The following MTF1 variants were observed in gnomAD, a reference collection of about 807,000 sequenced individuals.
MTF1 encodes metal regulatory transcription factor 1.
Under a neutral mutation model 70.4 loss-of-function variants are expected in MTF1, and 22 were observed. The observed-to-expected ratio is 0.31, with a 90% CI of 0.22 to 0.45. MTF1 has a LOEUF of 0.45. MTF1 is among the 20% of genes least tolerant of loss of function. MTF1 has a pLI of 1.00. For synonymous variants in MTF1, 333 were observed against 352.8 expected (o/e 0.94, Z 0.63); for missense variants, 649 against 922.0 (o/e 0.70, Z 3.83).
intron 2 of MTF1, among the ~76,000 whole-genome samples, chr1:37,853,192 C>G (rs146083215): frequency 1.7e-3 from 251 of 150,460 alleles, no homozygotes; most frequent in African/African-American, 5.9e-3. Flanking sequence ...TAACCACATT[C>G]TCTATCTAAC....
At chr1:37,841,524 T>A in intron 2 of MTF1, 1 of 171,048 alleles carries the variant, frequency 5.8e-6, no homozygotes, top group Non-Finnish European at 1.3e-5. Context: ...AAGCCACCCT[T>A]TAGGCCACCT....
chr1:37,849,938 C>G (rs1394341705), intron 2 of MTF1, among the ~76,000 whole-genome samples: 1 of 152,162 alleles, frequency 6.6e-6, no homozygotes, highest in African/African-American at 2.4e-5. Context: ...TGCTTCGAGA[C>G]TTGGAGTAGA....
In MTF1 at chr1:37,835,059, G is replaced by C. The variant is rs1641145280; in HGVS notation, c.990+20C>G. ...TGAAGTTCTATGGTACCCAGATCAAGAGACAAAAACACTACACACCTCTGA... is the reference window on the plus strand; with the variant it reads ...TGAAGTTCTATGGTACCCAGATCAACAGACAAAAACACTACACACCTCTGA... On this transcript the variant is annotated intron_variant, in intron 6 of 10. Transcript: ENST00000373036. 1 of 1,611,578 alleles carries C rather than the reference G, an allele frequency of 6.2e-7. No individual in the cohort carries two copies. The highest frequency in any genetic ancestry group is 2.2e-5 in the East Asian group (1 of 44,840).
At chr1:37,857,881 A>T (rs11488567) in intron 1 of MTF1, among the ~76,000 whole-genome samples, 172 bp from the exon 2 acceptor site, 74,713 of 151,892 alleles carry the variant, frequency 0.49, 19,709 homozygotes, top group Non-Finnish European at 0.58. Flanking sequence ...TCATTTTTAA[A>T]GAAAAGCAAT....
chr1:37,851,575 G>A (rs961132937), intron 2 of MTF1, among the ~76,000 whole-genome samples: 5 of 152,162 alleles, frequency 3.3e-5, no homozygotes, highest in Non-Finnish European at 7.4e-5. Flanking sequence ...GGTTTCTCAA[G>A]TTTAAAGCAT....
chr1:37,836,941 G>C (rs559682709), intron 4 of MTF1, among the ~76,000 whole-genome samples: 254 of 135,396 alleles, frequency 1.9e-3, no homozygotes, highest in African/African-American at 6.7e-3. Context: ...CTACGGGAAG[G>C]GGGGCGGCGG....
In MTF1 at chr1:37,832,310, AGTGATTTGTATC is replaced by A; in HGVS notation, c.991_1002del (p.Asp331_His334del). On this transcript the variant is annotated inframe_deletion and splice_region_variant, in exon 7 of 11. Coordinates refer to ENST00000373036, the MANE Select transcript of MTF1 (RefSeq NM_005955.3). ...AGGCTCAAGTCACTTAGACAAAGTG[AGTGATTTGTATC>A]CTGTGAAAGAGAAAAAATTCTAATT... 6.2e-7 allele frequency: 1 copy of A among 1,612,070 alleles called. No individual in the cohort carries two copies. Among genetic ancestry groups the A allele is most frequent in the Non-Finnish European group, 8.5e-7 (1 of 1,178,372 alleles).
chr1:37,836,253 T>C (rs1641168909), intron 4 of MTF1, among the ~76,000 whole-genome samples: 1 of 152,164 alleles, frequency 6.6e-6, no homozygotes, highest in Non-Finnish European at 1.5e-5. Flanking sequence ...CCAGGATAAG[T>C]ATTTCTTGTC....
intron 4 of MTF1, among the ~76,000 whole-genome samples, chr1:37,836,145 C>A (rs1641166841): frequency 6.6e-6 from 1 of 152,044 alleles, no homozygotes; most frequent in African/African-American, 2.4e-5. Context: ...ATTCAGAACA[C>A]TAAGATCAGA....
chr1:37,850,087 A>C (rs1454525781), intron 2 of MTF1, among the ~76,000 whole-genome samples: 1 of 151,696 alleles, frequency 6.6e-6, no homozygotes, highest in African/African-American at 2.4e-5. Context: ...CAACCACCAA[A>C]AAGTAGCCGG....
intron 2 of MTF1, among the ~76,000 whole-genome samples, chr1:37,852,776 A>T (rs573396550): frequency 3.9e-5 from 6 of 152,164 alleles, no homozygotes; most frequent in Non-Finnish European, 7.4e-5. Context: ...GACTACAGGC[A>T]TGCACCACCA....
At chr1:37,838,332 C>G (rs1367124250) in intron 4 of MTF1, among the ~76,000 whole-genome samples, 1 of 152,160 alleles carries the variant, frequency 6.6e-6, no homozygotes, top group Non-Finnish European at 1.5e-5. Flanking sequence ...GAGTATTTCT[C>G]TAGCACTAAT....
At position 37,815,074 on chromosome 1, in the gene MTF1, G is replaced by T; in HGVS notation, c.*62C>A. 1 of 1,364,910 alleles carries T rather than the reference G, an allele frequency of 7.3e-7. No individual in the cohort carries two copies. Among genetic ancestry groups the T allele is most frequent in the Non-Finnish European group, 1.0e-6 (1 of 980,620 alleles). 84.5% of individuals were successfully genotyped at this position (1,364,910 alleles called of 1,614,324 possible). On this transcript the variant is annotated 3_prime_UTR_variant, in exon 11 of 11. Coordinates refer to ENST00000373036, the MANE Select transcript of MTF1 (RefSeq NM_005955.3). This position sits in a 1 kb window ranked among gnomAD's most constrained non-coding sequence, Gnocchi z 4.5. ...TTCAAATTTCTGACCCATGATGGCA[G>T]GCATTGTACCTCATGCCTCCTGCTC...
At position 37,834,801 on chromosome 1, in the gene MTF1, C is replaced by G. The variant is rs907994361; in HGVS notation, c.990+278G>C. 1.3e-5 allele frequency: 7 copies of G among 559,242 alleles called. No individual in the cohort carries two copies. The East Asian group carries it at 2.7e-4, about 21-fold the overall frequency. 34.6% of individuals were successfully genotyped at this position (559,242 alleles called of 1,614,324 possible). A position where few individuals can be genotyped will look rare whatever the true frequency, so the allele number is the denominator to read the frequency against. ...TCAAGAATGACTATAAGATTTTTGG[C>G]CTTTGCCACTAGAAAACCAGAGCCG... On this transcript the variant is annotated intron_variant, in intron 6 of 10. Transcript: ENST00000373036.
Position 37,838,607 on chromosome 1 carries a change from G to A in MTF1, c.779+18C>T. On this transcript the variant is annotated intron_variant, in intron 4 of 10. Coordinates refer to ENST00000373036, the MANE Select transcript of MTF1 (RefSeq NM_005955.3). ...GCTGAAACCTGGTCAGTGACAAATA[G>A]AAAACAGTAAGACCTACCGAAATGG... The A allele has an allele frequency of 6.2e-7, 1 of 1,602,068 alleles. No homozygotes were observed. The highest frequency in any genetic ancestry group is 8.5e-7 in the Non-Finnish European group (1 of 1,172,636).
chr1:37,829,477 T>C (rs919653748), intron 7 of MTF1, among the ~76,000 whole-genome samples: 4 of 151,980 alleles, frequency 2.6e-5, no homozygotes, highest in Non-Finnish European at 5.9e-5. Context: ...TAATTTTTTT[T>C]TCAAGCAAAG....
chr1:37,825,811 ATTTTT>A (rs1019679329), intron 7 of MTF1, among the ~76,000 whole-genome samples: 1 of 151,972 alleles, frequency 6.6e-6, no homozygotes, highest in Non-Finnish European at 1.5e-5. Context: ...TTTTCTTAAC[ATTTTT>A]TTTTTTCTAG....
In MTF1 at chr1:37,812,389, C is replaced by T. The variant is rs1055668839; in HGVS notation, c.*2747G>A. 6 of 152,246 alleles carry T rather than the reference C, an allele frequency of 3.9e-5. No homozygotes were observed. The highest frequency in any genetic ancestry group is 2.0e-4 in the Admixed American group (3 of 15,288). 9.4% of individuals were successfully genotyped at this position (152,246 alleles called of 1,614,324 possible). ...AATAAACCTGATCTTCACAACCACTCACTGGCATTTTAAGCACATTCCTGA... is the reference window on the plus strand; with the variant it reads ...AATAAACCTGATCTTCACAACCACTTACTGGCATTTTAAGCACATTCCTGA... On this transcript the variant is annotated 3_prime_UTR_variant, in exon 11 of 11. Coordinates refer to ENST00000373036, the MANE Select transcript of MTF1 (RefSeq NM_005955.3).
chr1:37,837,695 G>A (rs891474396), intron 4 of MTF1, among the ~76,000 whole-genome samples: 4 of 152,120 alleles, frequency 2.6e-5, no homozygotes, highest in Admixed American at 2.6e-4. Flanking sequence ...TAGTAGAGAT[G>A]TGGTCTCACC....
Sources: gnomAD v4.1 joint callset for allele counts (sites outside exome capture counted in the v4.1 genomes callset) on GRCh38, gnomAD v4.1.1 for gene constraint, Gnocchi (gnomAD v3.1) non-coding constraint, MANE v1.5 for transcripts, NCBI Gene and HGNC (gene_info 2026-07-23, HGNC 2026-07-21) for gene names.